Variants in RPH3A observed in about 807,000 individuals in gnomAD.
The protein encoded by RPH3A is rabphilin 3A.
In RPH3A, 48 loss-of-function variants were observed where a neutral mutation model predicts 102.2. The observed-to-expected ratio is 0.47, with a 90% CI of 0.37 to 0.60. RPH3A has a LOEUF of 0.60. Ranked by LOEUF, RPH3A falls within the 20% of genes least tolerant of loss-of-function variation. The pLI is 0.00. For synonymous variants in RPH3A, 310 were observed against 324.3 expected (o/e 0.96, Z 0.47); for missense variants, 781 against 910.1 (o/e 0.86, Z 1.83).
chr12:112,805,837 T>C (rs1224217528), intron 2 of RPH3A, among the ~76,000 whole-genome samples: 2 of 152,172 alleles, frequency 1.3e-5, no homozygotes, highest in African/African-American at 2.4e-5. Context: ...TGATAAATAT[T>C]TATTGACCAT....
chr12:112,666,384 C>A (rs1174444978), intron 1 of RPH3A, among the ~76,000 whole-genome samples: 1 of 152,012 alleles, frequency 6.6e-6, no homozygotes, highest in African/African-American at 2.4e-5. Flanking sequence ...AGTCTTTGGT[C>A]CTCATTGCCA....
At chr12:112,689,132 C>T (rs1182662476) in intron 1 of RPH3A, among the ~76,000 whole-genome samples, 2 of 152,192 alleles carry the variant, frequency 1.3e-5, no homozygotes, top group Non-Finnish European at 2.9e-5. Context: ...AAGTTGCAAA[C>T]TCAGATGTCT....
At chr12:112,822,151 G>A (rs1319204471) in intron 2 of RPH3A, among the ~76,000 whole-genome samples, 1 of 152,212 alleles carries the variant, frequency 6.6e-6, no homozygotes, top group African/African-American at 2.4e-5. Flanking sequence ...ACTGCACTCA[G>A]GGGAAGAGAC....
chr12:112,817,709 G>T (rs1409742785), intron 2 of RPH3A, among the ~76,000 whole-genome samples: 6 of 152,070 alleles, frequency 3.9e-5, no homozygotes. Flanking sequence ...TTTAATTAGT[G>T]TTGTTTATTG....
chr12:112,701,039 TC>T (rs1441431827), intron 1 of RPH3A, among the ~76,000 whole-genome samples: 1 of 152,178 alleles, frequency 6.6e-6, no homozygotes, highest in Non-Finnish European at 1.5e-5. Flanking sequence ...ATGACCTTCC[TC>T]CCAGACCTAC....
chr12:112,669,839 T>C (rs1485501136), intron 1 of RPH3A, among the ~76,000 whole-genome samples: 1 of 152,220 alleles, frequency 6.6e-6, no homozygotes, highest in Non-Finnish European at 1.5e-5. Context: ...TGTATGGCTA[T>C]AGCATAATTT....
chr12:112,688,242 A>T (rs1472074480), intron 1 of RPH3A, among the ~76,000 whole-genome samples: 1 of 152,214 alleles, frequency 6.6e-6, no homozygotes, highest in Admixed American at 6.5e-5. Flanking sequence ...ATTTTAGAGG[A>T]ATATTATTTC....
intron 1 of RPH3A, among the ~76,000 whole-genome samples, chr12:112,781,118 C>A (rs2041004159): frequency 6.6e-6 from 1 of 152,034 alleles, no homozygotes; most frequent in African/African-American, 2.4e-5. Context: ...CCAGATCATG[C>A]CATTGCACTC....
intron 7 of RPH3A, 87 bp from the exon 8 acceptor site, chr12:112,868,343 G>A (rs2042646166): frequency 1.5e-6 from 2 of 1,353,024 alleles, no homozygotes; most frequent in Admixed American, 2.0e-5. Flanking sequence ...CTTTGGATGA[G>A]GAGGAAAGAT....
At chr12:112,648,095 G>A (rs1306768215) in intron 1 of RPH3A, among the ~76,000 whole-genome samples, 1 of 152,202 alleles carries the variant, frequency 6.6e-6, no homozygotes, top group Non-Finnish European at 1.5e-5. Flanking sequence ...AAATACAGTT[G>A]AGGAGACAGA....
intron 1 of RPH3A, among the ~76,000 whole-genome samples, chr12:112,751,244 C>T (rs115356984): frequency 6.6e-5 from 10 of 152,198 alleles, no homozygotes; most frequent in Middle Eastern, 3.4e-3. Context: ...CTTCATCATG[C>T]GATGTTGGTG....
Position 112,890,066 on chromosome 12 carries a change from C to T in RPH3A, c.1606C>T (p.Leu536Phe), listed in dbSNP as rs771076812. 25 of 1,613,742 alleles carry T rather than the reference C, an allele frequency of 1.5e-5. No homozygotes were observed. Among genetic ancestry groups the T allele is most frequent in the Non-Finnish European group, 2.1e-5 (25 of 1,180,002 alleles). ...CACCGGGTCAGCCCGAGGCATGGCC[C>T]TTTATGAGGAAGAGGTGAGCACTGA... The part of the protein sequence containing the change: ...GTTGSARGMA[L>F]YEEEQVERVG... Residue 536 changes from leucine to phenylalanine, a missense_variant, in exon 18 of 22, where the codon CTT becomes TTT. Leu to Phe is a conservative substitution (Grantham distance 22, BLOSUM62 0). Around this residue, in one of 2 missense-constraint regions of RPH3A, gnomAD observed 730 missense variants for 810.0 expected, o/e 0.90. Coordinates refer to ENST00000389385, the MANE Select transcript of RPH3A (RefSeq NM_001143854.2).
intron 1 of RPH3A, among the ~76,000 whole-genome samples, chr12:112,662,690 C>G (rs1438360642): frequency 6.6e-6 from 1 of 151,472 alleles, no homozygotes; most frequent in African/African-American, 2.4e-5. Flanking sequence ...AGTACCAAAG[C>G]ATTGTGGCAG....
At chr12:112,628,121 A>G (rs2039779003) in intron 1 of RPH3A, among the ~76,000 whole-genome samples, 1 of 151,808 alleles carries the variant, frequency 6.6e-6, no homozygotes, top group African/African-American at 2.4e-5. Context: ...CCCTCCAACA[A>G]TGAGGATTGC....
chr12:112,687,331 T>C lies in RPH3A; in HGVS notation c.-139-104812T>C, dbSNP rs560472063. Among the ~76,000 whole-genome samples the C allele has an allele frequency of 5.9e-5, 9 of 152,230 alleles. No homozygotes were observed. In the South Asian group the frequency reaches 6.2e-4, roughly 11 times the overall value. ...ATGCCTATATTTACCTTCGTGCTTG[T>C]CCCTTAGTGTTGCCAAGATGATCTC... On this transcript the variant is annotated intron_variant, in intron 1 of 21. Coordinates refer to the RPH3A transcript ENST00000543106.
intron 1 of RPH3A, among the ~76,000 whole-genome samples, chr12:112,770,208 G>A (rs148972549): frequency 6.6e-6 from 1 of 152,312 alleles, no homozygotes; most frequent in African/African-American, 2.4e-5. Flanking sequence ...AGACCAGGTT[G>A]TAATGAACAT....
chr12:112,727,936 T>G (rs1245812800), intron 1 of RPH3A, among the ~76,000 whole-genome samples: 1 of 152,188 alleles, frequency 6.6e-6, no homozygotes, highest in Non-Finnish European at 1.5e-5. Flanking sequence ...TAGCTTGTCT[T>G]GAAGCCAGAC....
intron 1 of RPH3A, among the ~76,000 whole-genome samples, chr12:112,777,554 T>G (rs575863891): frequency 6.6e-6 from 1 of 152,276 alleles, no homozygotes; most frequent in African/African-American, 2.4e-5. Context: ...ATCAAAACTG[T>G]GCCAGAGATG....
chr12:112,750,695 T>C (rs2040780628), intron 1 of RPH3A, among the ~76,000 whole-genome samples: 2 of 152,172 alleles, frequency 1.3e-5, no homozygotes, highest in South Asian at 4.1e-4. Flanking sequence ...TAACTTTCGT[T>C]CCATGTCTTT....
Sources: allele counts gnomAD v4.1 joint callset (sites outside exome capture counted in the v4.1 genomes callset), GRCh38; gene constraint gnomAD v4.1.1; regional missense constraint gnomAD v4.1.1; transcripts MANE v1.5; gene names NCBI Gene and HGNC (gene_info 2026-07-23, HGNC 2026-07-21).